IQSEC1: variants seen among roughly 807,000 people sequenced by gnomAD.
The protein encoded by IQSEC1 is IQ motif and Sec7 domain ArfGEF 1, also known as IQ motif and SEC7 domain-containing protein 1.
A neutral mutation model predicts 91.0 loss-of-function variants in IQSEC1; 31 were observed. The observed-to-expected ratio is 0.34, with a 90% confidence interval of 0.26 to 0.46. The LOEUF (loss-of-function observed/expected upper bound fraction) is 0.46. Ranked by LOEUF, IQSEC1 falls within the 20% of genes least tolerant of loss-of-function variation. The probability of loss-of-function intolerance (pLI) is 1.00; values close to 1 mark genes in which losing one functional copy is unlikely to be tolerated. For synonymous variants in IQSEC1, 699 were observed against 662.6 expected, an observed-to-expected ratio of 1.05 and a Z score of -0.84; for missense variants, 1,388 against 1,575.6, an observed-to-expected ratio of 0.88 and a Z score of 2.02.
intron 1 of IQSEC1, among the ~76,000 whole-genome samples, chr3:13,005,267 G>A (rs570581158): frequency 7.9e-5 from 12 of 152,274 alleles, no homozygotes; most frequent in African/African-American, 2.2e-4. Context: ...CATACTTCAC[G>A]GTGTGGGGGA....
At position 12,949,052 on chromosome 3, in the gene IQSEC1, G is replaced by A. The variant is rs189853243; in HGVS notation, c.24-7187C>T. Among the ~76,000 whole-genome samples, 28 of 152,344 alleles carry A rather than the reference G, an allele frequency of 1.8e-4. No individual in the cohort carries two copies. In the East Asian group the frequency reaches 4.2e-3, roughly 23 times the overall value. The stretch of plus-strand genomic sequence containing the variant: ...ATACATGACCTGTAACTCAACCACC[G>A]TCGCTGGGAGGTAGCTAGGACTGCT... On this transcript the variant is annotated intron_variant, in intron 1 of 13. Coordinates refer to ENST00000613206, the MANE Select transcript of IQSEC1 (RefSeq NM_001134382.3).
chr3:13,088,864 C>T (rs2125136873), intron 2 of IQSEC1, among the ~76,000 whole-genome samples: 1 of 152,352 alleles, frequency 6.6e-6, no homozygotes, highest in South Asian at 2.1e-4. Context: ...GCACTGGCCC[C>T]CACCACTCCA....
Position 12,929,838 on chromosome 3 carries a change from C to A in IQSEC1, c.1569-5096G>T, listed in dbSNP as rs767771984. On this transcript the variant is annotated intron_variant, in intron 3 of 13. Coordinates refer to ENST00000613206, the MANE Select transcript of IQSEC1 (RefSeq NM_001134382.3). The stretch of plus-strand genomic sequence containing the variant: ...AAAATGCCCCAGCAGGCAGTGTAGT[C>A]GGAGCCTCCTGGCTCCATCCCTGCT... Among the ~76,000 whole-genome samples, 122 of 152,294 alleles carry A rather than the reference C, an allele frequency of 8.0e-4. 1 individual carries two copies. Among genetic ancestry groups the A allele is most frequent in the Admixed American group, 5.6e-3 (85 of 15,304 alleles).
intron 2 of IQSEC1, among the ~76,000 whole-genome samples, chr3:13,094,270 G>T (rs535938090): frequency 4.6e-5 from 7 of 152,228 alleles, no homozygotes; most frequent in Non-Finnish European, 2.9e-5. Context: ...GACTGCATCA[G>T]GCCTTGAAGG....
chr3:12,938,147 G>C (rs757997342), intron 2 of IQSEC1, among the ~76,000 whole-genome samples: 1 of 152,244 alleles, frequency 6.6e-6, no homozygotes, highest in Non-Finnish European at 1.5e-5. Flanking sequence ...GGTGGCGTGG[G>C]CATGTGATGT....
chr3:13,159,793 GA>G (rs1172628467), intron 2 of IQSEC1, among the ~76,000 whole-genome samples: 6 of 152,114 alleles, frequency 3.9e-5, no homozygotes, highest in Non-Finnish European at 8.8e-5. Flanking sequence ...AGTGCTGGGG[GA>G]AAAAAGATAA....
intron 2 of IQSEC1, among the ~76,000 whole-genome samples, chr3:13,108,208 T>C (rs985503604): frequency 6.6e-6 from 1 of 152,186 alleles, no homozygotes; most frequent in Non-Finnish European, 1.5e-5. Context: ...TTCTTTCCCC[T>C]CATTTTTTAA....
At chr3:13,197,320 G>A (rs1424467817) in intron 1 of IQSEC1, among the ~76,000 whole-genome samples, 2 of 152,198 alleles carry the variant, frequency 1.3e-5, no homozygotes, top group Non-Finnish European at 2.9e-5. Flanking sequence ...CTTCATAAAC[G>A]GCAGATGCAT....
chr3:13,045,309 G>A (rs540737454), intron 1 of IQSEC1, among the ~76,000 whole-genome samples: 21 of 152,270 alleles, frequency 1.4e-4, no homozygotes, highest in African/African-American at 4.3e-4. Flanking sequence ...TTAAAAACCA[G>A]TTTCTTTTTC....
At chr3:13,017,495 G>A (rs768669483) in intron 1 of IQSEC1, among the ~76,000 whole-genome samples, 7 of 152,182 alleles carry the variant, frequency 4.6e-5, no homozygotes, top group Admixed American at 6.5e-5. Flanking sequence ...CTGCCCTGTG[G>A]TGCTTGCCAA....
At chr3:13,090,526 A>G (rs1302812126) in intron 2 of IQSEC1, among the ~76,000 whole-genome samples, 1 of 152,156 alleles carries the variant, frequency 6.6e-6, no homozygotes, top group East Asian at 1.9e-4. Context: ...CATGTGTGCC[A>G]CCCACTGGCT....
chr3:13,080,642 G>A (rs1705633873), intron 2 of IQSEC1, among the ~76,000 whole-genome samples: 1 of 152,090 alleles, frequency 6.6e-6, no homozygotes. Context: ...GCAGGGGTGG[G>A]AAGAAACCCA....
intron 1 of IQSEC1, among the ~76,000 whole-genome samples, chr3:13,049,101 G>A (rs1704598405): frequency 1.3e-5 from 2 of 152,202 alleles, no homozygotes; most frequent in Admixed American, 6.5e-5. Context: ...TGGCAAGCAG[G>A]CCTTCCCTGC....
chr3:13,182,867 G>T (rs570230844), intron 1 of IQSEC1, among the ~76,000 whole-genome samples: 2 of 152,254 alleles, frequency 1.3e-5, no homozygotes, highest in East Asian at 3.9e-4. Flanking sequence ...TCCACCCAAA[G>T]AAATTAGAAA....
At chr3:13,140,218 T>G (rs913654876) in intron 2 of IQSEC1, among the ~76,000 whole-genome samples, 1 of 152,066 alleles carries the variant, frequency 6.6e-6, no homozygotes, top group Non-Finnish European at 1.5e-5. Flanking sequence ...CAACACACAG[T>G]GGGTTCAGAT....
At chr3:12,906,158 G>A (rs549148386) in intron 12 of IQSEC1, among the ~76,000 whole-genome samples, 1 of 152,286 alleles carries the variant, frequency 6.6e-6, no homozygotes, top group South Asian at 2.1e-4. Flanking sequence ...TGGATGTCGA[G>A]TGCAGACCTG....
chr3:13,113,688 C>T (rs902461600), intron 2 of IQSEC1, among the ~76,000 whole-genome samples: 1 of 152,176 alleles, frequency 6.6e-6, no homozygotes, highest in Admixed American at 6.5e-5. Context: ...GAGCCTCCTA[C>T]ACTGTCGAGA....
At chr3:12,918,861 C>G (rs556645134) in intron 6 of IQSEC1, among the ~76,000 whole-genome samples, 2 of 152,190 alleles carry the variant, frequency 1.3e-5, no homozygotes, top group East Asian at 3.9e-4. Context: ...TATAGAGACC[C>G]TCAAACTGTC....
intron 1 of IQSEC1, among the ~76,000 whole-genome samples, chr3:13,252,721 T>TTTG (rs1695216671): frequency 7.2e-6 from 1 of 138,456 alleles, no homozygotes; most frequent in African/African-American, 3.4e-5. Flanking sequence ...TATCTATGTT[T>TTTG]TTTTTTGTTT....
Sources: gnomAD v4.1 joint callset for allele counts (sites outside exome capture counted in the v4.1 genomes callset) on GRCh38, gnomAD v4.1.1 for gene constraint, MANE v1.5 for transcripts, NCBI Gene and HGNC (gene_info 2026-07-23, HGNC 2026-07-21) for gene names.